Variants in GVQW3 observed in about 807,000 individuals in gnomAD.
The protein encoded by GVQW3 is GVQW motif containing 3, also known as protein GVQW3.
In GVQW3, 7 loss-of-function variants were observed where a neutral mutation model predicts 12.5. The observed-to-expected ratio is 0.56, with a 90% CI of 0.32 to 1.05. The LOEUF (loss-of-function observed/expected upper bound fraction) is 1.05, where lower values mean the gene tolerates loss of function less well. GVQW3 is among the 50% of genes least tolerant of loss of function. The probability of loss-of-function intolerance (pLI) is 0.04; values close to 1 mark genes in which losing one functional copy is unlikely to be tolerated. For synonymous variants in GVQW3, 71 were observed against 67.2 expected (o/e 1.06, Z -0.28); for missense variants, 188 against 190.8 (o/e 0.99, Z 0.09).
intron 1 of GVQW3, among the ~76,000 whole-genome samples, chr11:76,397,719 C>G (rs1946952091): frequency 1.3e-5 from 2 of 152,228 alleles, no homozygotes; most frequent in African/African-American, 4.8e-5. Flanking sequence ...ACAGGAGATA[C>G]AAATAAAAGT....
chr11:76,404,366 A>G lies in GVQW3; in HGVS notation c.*608A>G. On this transcript the variant is annotated 3_prime_UTR_variant, in exon 2 of 2. Coordinates refer to ENST00000529331, the MANE Select transcript of GVQW3 (RefSeq NM_001347885.2). ...TGTGTTCAATCTGCTTCTCTATAAA[A>G]TCCCATACAGGACATCCAGGCATCT... is the stretch of plus-strand genomic sequence containing the variant. The G allele has an allele frequency of 5.5e-6, 1 of 180,914 alleles. No homozygotes were observed. Among genetic ancestry groups the G allele is most frequent in the Non-Finnish European group, 1.1e-5 (1 of 87,232 alleles). The allele number at this position is 180,914 out of a possible 1,614,324, so 11.2% of individuals were successfully genotyped here. A position where few individuals can be genotyped will look rare whatever the true frequency, so the allele number is the denominator to read the frequency against.
At chr11:76,386,925 G>A (rs563845075) in intron 1 of GVQW3, among the ~76,000 whole-genome samples, 1 of 152,084 alleles carries the variant, frequency 6.6e-6, no homozygotes, top group East Asian at 1.9e-4. Context: ...GACTCACTTG[G>A]GCATAGTCCA....
chr11:76,395,251 A>G (rs528044329), intron 1 of GVQW3, among the ~76,000 whole-genome samples: 1 of 152,352 alleles, frequency 6.6e-6, no homozygotes, highest in Non-Finnish European at 1.5e-5. Context: ...GAACATCTTC[A>G]TCACACTAAA....
chr11:76,394,432 A>T (rs964210772), intron 1 of GVQW3, among the ~76,000 whole-genome samples: 11 of 152,218 alleles, frequency 7.2e-5, no homozygotes, highest in Admixed American at 3.3e-4. Flanking sequence ...ATAAGTGAGA[A>T]CATGAGAGGT....
chr11:76,391,521 G>A (rs1590818370), intron 1 of GVQW3, among the ~76,000 whole-genome samples: 1 of 152,304 alleles, frequency 6.6e-6, no homozygotes, highest in South Asian at 2.1e-4. Context: ...AGAGTTTAAT[G>A]GTTTGCGGTT....
chr11:76,381,728 A>G lies in GVQW3; in HGVS notation c.-101A>G. On this transcript the variant is annotated 5_prime_UTR_variant, in exon 1 of 2. Coordinates refer to ENST00000529331, the MANE Select transcript of GVQW3 (RefSeq NM_001347885.2). The stretch of plus-strand genomic sequence containing the variant: ...CGGCGAGGCTTCTAGAAGAGCAAGA[A>G]GAGCGATATGATTACACCTGCAGCC... The G allele has an allele frequency of 9.1e-7, 1 of 1,094,326 alleles. No homozygotes were observed. The highest frequency in any genetic ancestry group is 1.3e-6 in the Non-Finnish European group (1 of 796,332). The allele number at this position is 1,094,326 out of a possible 1,614,324, so 67.8% of individuals were successfully genotyped here.
chr11:76,392,954 G>GT, intron 1 of GVQW3: 1 of 152,280 alleles, frequency 6.6e-6, no homozygotes, highest in East Asian at 1.9e-4. Flanking sequence ...TCATGACACA[G>GT]TGTCTGAAGT....
Position 76,404,045 on chromosome 11 carries a change from T to TG in GVQW3, c.*287_*288insG. 1.7e-6 allele frequency: 1 copy of TG among 571,958 alleles called. No homozygotes were observed. Among genetic ancestry groups the TG allele is most frequent in the Non-Finnish European group, 3.2e-6 (1 of 310,242 alleles). The allele number at this position is 571,958 out of a possible 1,614,324, so 35.4% of individuals were successfully genotyped here. On this transcript the variant is annotated 3_prime_UTR_variant, in exon 2 of 2. Coordinates refer to ENST00000529331, the MANE Select transcript of GVQW3 (RefSeq NM_001347885.2). ...CCCACAGACACACCCAGAAATAATG[T>TG]TTTCCCATCTATCTCAGTACCCCAT... is the stretch of plus-strand genomic sequence containing the variant.
intron 1 of GVQW3, chr11:76,390,056 C>T (rs1169604303): frequency 6.6e-6 from 1 of 152,094 alleles, no homozygotes; most frequent in Non-Finnish European, 1.5e-5. Context: ...AATGCCTATC[C>T]ATAGATGAAA....
chr11:76,401,657 C>A (rs1443641819), intron 1 of GVQW3, among the ~76,000 whole-genome samples: 2 of 151,508 alleles, frequency 1.3e-5, no homozygotes, highest in African/African-American at 4.9e-5. Flanking sequence ...CCTGTAATCC[C>A]AGCTGCTCAT....
intron 1 of GVQW3, among the ~76,000 whole-genome samples, chr11:76,399,991 C>A (rs1697582114): frequency 7.6e-6 from 1 of 131,682 alleles, no homozygotes; most frequent in African/African-American, 3.0e-5. Flanking sequence ...TATAATAAAT[C>A]TCTCTCTCTC....
chr11:76,403,629 C>T (rs1368316871), intron 1 of GVQW3, 31 bp from the exon 2 acceptor site: 4 of 448,670 alleles, frequency 8.9e-6, no homozygotes, highest in Non-Finnish European at 1.6e-5. Context: ...GCCACCATGC[C>T]CAAATAATTT....
chr11:76,382,325 A>G, intron 1 of GVQW3, 32 bp downstream of exon 1: 1 of 1,361,368 alleles, frequency 7.3e-7, no homozygotes, highest in Non-Finnish European at 1.0e-6. Flanking sequence ...AGTTATCTCC[A>G]GGGTGAAGCT....
intron 1 of GVQW3, among the ~76,000 whole-genome samples, chr11:76,402,625 A>T (rs931016729): frequency 6.6e-6 from 1 of 152,160 alleles, no homozygotes; most frequent in Non-Finnish European, 1.5e-5. Flanking sequence ...GTGCGATGTG[A>T]GACCCATCTT....
At chr11:76,384,507 G>A (rs2134534397) in intron 1 of GVQW3, among the ~76,000 whole-genome samples, 1 of 152,208 alleles carries the variant, frequency 6.6e-6, no homozygotes, top group South Asian at 2.1e-4. Context: ...ATTTTTAGTA[G>A]AGGCGGGGTT....
chr11:76,381,442 T>C lies in GVQW3; in HGVS notation c.-387T>C, dbSNP rs559637935. The C allele has an allele frequency of 1.7e-3, 296 of 172,126 alleles. No individual in the cohort carries two copies. Among genetic ancestry groups the C allele is most frequent in the Non-Finnish European group, 2.9e-3 (237 of 80,712 alleles). 10.7% of individuals were successfully genotyped at this position (172,126 alleles called of 1,614,324 possible). ...TTGCACGTTACATCACCGATGCATC[T>C]CTTCTTGCTTGCTTAATTTGCCACC... On this transcript the variant is annotated 5_prime_UTR_variant, in exon 1 of 2. Transcript: ENST00000529331.
chr11:76,401,956 T>C (rs1249995052), intron 1 of GVQW3, among the ~76,000 whole-genome samples: 1 of 152,188 alleles, frequency 6.6e-6, no homozygotes, highest in East Asian at 1.9e-4. Context: ...TCAATCTTTC[T>C]TGCAACTTCT....
intron 1 of GVQW3, chr11:76,389,905 C>T (rs1453325196): frequency 6.6e-6 from 1 of 152,174 alleles, no homozygotes; most frequent in Non-Finnish European, 1.5e-5. Flanking sequence ...GCACACATAT[C>T]GTTAGTCATC....
rs751847118 is a variant in GVQW3, at chr11:76,403,780, C to T, written c.*22C>T. 5.0e-5 allele frequency: 28 copies of T among 560,648 alleles called. No homozygotes were observed. The highest frequency in any genetic ancestry group is 8.5e-5 in the Non-Finnish European group (26 of 305,534). 34.7% of individuals were successfully genotyped at this position (560,648 alleles called of 1,614,324 possible). On this transcript the variant is annotated 3_prime_UTR_variant, in exon 2 of 2. Transcript: ENST00000529331. Reference sequence around the variant, plus strand: ...ATGAGCCACCATGCCAAGCCAAAACCAGGAGTTCAATGGTGTAAATTCCAG... The same window carrying T: ...ATGAGCCACCATGCCAAGCCAAAACTAGGAGTTCAATGGTGTAAATTCCAG...
Sources: allele counts gnomAD v4.1 joint callset (sites outside exome capture counted in the v4.1 genomes callset), GRCh38; gene constraint gnomAD v4.1.1; transcripts MANE v1.5; gene names NCBI Gene and HGNC (gene_info 2026-07-23, HGNC 2026-07-21).